Variants in KCNQ1 observed in about 807,000 individuals in gnomAD.
The protein encoded by KCNQ1 is potassium voltage-gated channel subfamily Q member 1, also known as potassium voltage-gated channel subfamily KQT member 1.
KCNQ1 carries 49 observed loss-of-function variants against 72.4 expected under a neutral mutation model. The ratio of observed to expected loss-of-function variants is 0.68; its 90% CI spans 0.54 to 0.86. The LOEUF (loss-of-function observed/expected upper bound fraction) is 0.86. KCNQ1 is among the 40% of genes least tolerant of loss of function. The probability of loss-of-function intolerance (pLI) is 0.00; values close to 1 mark genes in which losing one functional copy is unlikely to be tolerated. For synonymous variants in KCNQ1, 450 were observed against 412.6 expected (o/e 1.09, Z -1.10); for missense variants, 790 against 945.1 (o/e 0.84, Z 2.15).
chr11:2,585,039 C>T (rs1848572244), intron 7 of KCNQ1, among the ~76,000 whole-genome samples, 173 bp from the exon 8 acceptor site: 2 of 152,196 alleles, frequency 1.3e-5, no homozygotes, highest in Admixed American at 1.3e-4. Context: ...ATAAGTTCTG[C>T]CCCCCATGCT....
At position 2,485,996 on chromosome 11, in the gene KCNQ1, A is replaced by G. The variant is rs546541788; in HGVS notation, c.386+40512A>G. ...TTTAGCTATTGTGAATAATGCTACT[A>G]TGAATATGGGTGTACAAATATCTTT... is the stretch of plus-strand genomic sequence containing the variant. On this transcript the variant is annotated intron_variant, in intron 1 of 15. Coordinates refer to ENST00000155840, the MANE Select transcript of KCNQ1 (RefSeq NM_000218.3). Among the ~76,000 whole-genome samples the G allele has an allele frequency of 1.7e-3, 266 of 152,330 alleles. 1 individual carries two copies. Among genetic ancestry groups the G allele is most frequent in the Non-Finnish European group, 2.6e-3 (177 of 68,038 alleles).
chr11:2,524,196 C>T (rs1347051217), intron 1 of KCNQ1, among the ~76,000 whole-genome samples: 4 of 152,226 alleles, frequency 2.6e-5, no homozygotes, highest in South Asian at 2.1e-4. Flanking sequence ...GGCTCGGCGA[C>T]GGGAAAGCTG....
At chr11:2,778,641 G>GA (rs1234004212) in intron 15 of KCNQ1, among the ~76,000 whole-genome samples, 4 of 152,062 alleles carry the variant, frequency 2.6e-5, no homozygotes, top group Admixed American at 2.6e-4. Flanking sequence ...CTGGGCGGTG[G>GA]GAGGGCCTTT....
intron 11 of KCNQ1, chr11:2,699,816 A>G: frequency 1.3e-5 from 5 of 391,450 alleles, no homozygotes; most frequent in Non-Finnish European, 1.8e-5. Context: ...GAGAACCACG[A>G]TGACTGACGC....
rs1352128075 is a variant in KCNQ1, at chr11:2,697,027, G to GC, written c.1514+34952dup. 20 of 398,316 alleles carry GC rather than the reference G, an allele frequency of 5.0e-5. No homozygotes were observed. In the East Asian group the frequency reaches 5.7e-4, roughly 11 times the overall value. 24.7% of individuals were successfully genotyped at this position (398,316 alleles called of 1,614,324 possible). On this transcript the variant is annotated intron_variant, in intron 11 of 15. Transcript: ENST00000155840. ...AAGTGTAGTCTGGGGATTCCAGAGA[G>GC]CCCCCCAGACCCTTTCAGGAAAGGT...
Position 2,659,996 on chromosome 11 carries a change from T to C in KCNQ1, c.1394-1965T>C, listed in dbSNP as rs143115576. ...TCTTTCCAAGTCTGTGCTTTGTCTT[T>C]TCATTCCATTAGCAGTGTCTGTTGC... On this transcript the variant is annotated intron_variant, in intron 10 of 15. Transcript: ENST00000155840. This position sits in a 1 kb window ranked among gnomAD's most constrained non-coding sequence, Gnocchi z 4.3. 37 of 398,476 alleles carry C rather than the reference T, an allele frequency of 9.3e-5. No homozygotes were observed. The highest frequency in any genetic ancestry group is 6.8e-4 in the African/African-American group (33 of 48,758). The allele number at this position is 398,476 out of a possible 1,614,324, so 24.7% of individuals were successfully genotyped here. A position where few individuals can be genotyped will look rare whatever the true frequency, so the allele number is the denominator to read the frequency against.
chr11:2,760,616 C>T (rs1046378293), intron 11 of KCNQ1, among the ~76,000 whole-genome samples: 2 of 152,132 alleles, frequency 1.3e-5, no homozygotes, highest in Admixed American at 1.3e-4. Flanking sequence ...TGGCCCAGCC[C>T]AGGCAGGAGG....
rs980910483 is a variant in KCNQ1 at position 2,748,018 on chromosome 11, C to A, written c.1515-20826C>A. Among the ~76,000 whole-genome samples, 3 of 152,184 alleles carry A rather than the reference C, an allele frequency of 2.0e-5. No homozygotes were observed. Among genetic ancestry groups the A allele is most frequent in the Non-Finnish European group, 4.4e-5 (3 of 68,032 alleles). On this transcript the variant is annotated intron_variant, in intron 11 of 15. Coordinates refer to ENST00000155840, the MANE Select transcript of KCNQ1 (RefSeq NM_000218.3). This position sits in a 1 kb window ranked among gnomAD's most constrained non-coding sequence, Gnocchi z 6.2. ...AGCAGAATACTTCAAGAAGACCACT[C>A]GGGCCTAGGGCTCTGCAAGCAATAT... is the stretch of plus-strand genomic sequence containing the variant.
rs1850326014 is a variant in KCNQ1, at chr11:2,678,163, A to G, written c.1514+16082A>G. The G allele has an allele frequency of 2.5e-6, 1 of 398,230 alleles. No individual in the cohort carries two copies. Among genetic ancestry groups the G allele is most frequent in the Non-Finnish European group, 4.4e-6 (1 of 225,934 alleles). 24.7% of individuals were successfully genotyped at this position (398,230 alleles called of 1,614,324 possible). Reference sequence around the variant, plus strand: ...TTCCTTAGGTGTTTTGGCTTTTTCTATAATATTTTTCTGGTGGCAGAATTT... The same window carrying G: ...TTCCTTAGGTGTTTTGGCTTTTTCTGTAATATTTTTCTGGTGGCAGAATTT... On this transcript the variant is annotated intron_variant, in intron 11 of 15. Transcript: ENST00000155840. The surrounding 1 kb of genome is among the most constrained non-coding windows in gnomAD (Gnocchi z 4.9).
intron 11 of KCNQ1, among the ~76,000 whole-genome samples, chr11:2,751,864 GC>G (rs1003154902): frequency 1.6e-4 from 25 of 152,336 alleles, no homozygotes; most frequent in African/African-American, 6.0e-4. Context: ...AGAACATGAG[GC>G]CCGGCCAGCT....
At chr11:2,792,670 C>T (rs530719048) in intron 15 of KCNQ1, among the ~76,000 whole-genome samples, 1 of 152,206 alleles carries the variant, frequency 6.6e-6, no homozygotes, top group Admixed American at 6.5e-5. Flanking sequence ...GCCTGGACCA[C>T]CTTGGCAACA....
At chr11:2,740,424 G>A (rs1200356825) in intron 11 of KCNQ1, among the ~76,000 whole-genome samples, 1 of 152,222 alleles carries the variant, frequency 6.6e-6, no homozygotes, top group Non-Finnish European at 1.5e-5. Flanking sequence ...GGTGTTCAAA[G>A]ATATGGAATG....
intron 11 of KCNQ1, chr11:2,675,377 C>T (rs1850275888): frequency 5.0e-6 from 2 of 398,390 alleles, no homozygotes; most frequent in African/African-American, 4.1e-5. Flanking sequence ...CATTAGAAAA[C>T]ATTTAAACAC....
chr11:2,616,516 G>T (rs1849067293), intron 10 of KCNQ1: 2 of 397,642 alleles, frequency 5.0e-6, no homozygotes, highest in Non-Finnish European at 8.9e-6. Flanking sequence ...TTCAGTGTGG[G>T]CATTCACAGC....
At position 2,446,309 on chromosome 11, in the gene KCNQ1, C is replaced by G. The variant is rs1846036017; in HGVS notation, c.386+825C>G. On this transcript the variant is annotated intron_variant, in intron 1 of 15. Transcript: ENST00000155840. The surrounding 1 kb of genome is among the most constrained non-coding windows in gnomAD (Gnocchi z 8.8). ...CTGCCTGGGGCCTTCCCCCGCTGCC[C>G]CAGTGGCCCTACTTCCTGGCTGCCC... Among the ~76,000 whole-genome samples the G allele has an allele frequency of 6.6e-6, 1 of 152,202 alleles. No homozygotes were observed. The highest frequency in any genetic ancestry group is 6.5e-5 in the Admixed American group (1 of 15,290).
In KCNQ1 at chr11:2,558,623, G is replaced by A. The variant is rs139027611; in HGVS notation, c.478-12005G>A. Among the ~76,000 whole-genome samples, 206 of 152,358 alleles carry A rather than the reference G, an allele frequency of 1.4e-3. 1 individual carries two copies. Among genetic ancestry groups the A allele is most frequent in the African/African-American group, 4.5e-3 (186 of 41,594 alleles). Reference sequence around the variant, plus strand: ...ACCCAGGTGGGGGAGGAAGTGGGCCGCGCTTCGGGAACCCCCACCCCGCCG... The same window carrying A: ...ACCCAGGTGGGGGAGGAAGTGGGCCACGCTTCGGGAACCCCCACCCCGCCG... On this transcript the variant is annotated intron_variant, in intron 2 of 15. Transcript: ENST00000155840.
chr11:2,642,197 A>G lies in KCNQ1; in HGVS notation c.1394-19764A>G. 1 of 398,382 alleles carries G rather than the reference A, an allele frequency of 2.5e-6. No homozygotes were observed. The highest frequency in any genetic ancestry group is 4.4e-5 in the Admixed American group (1 of 22,714). 24.7% of individuals were successfully genotyped at this position (398,382 alleles called of 1,614,324 possible). On this transcript the variant is annotated intron_variant, in intron 10 of 15. Coordinates refer to ENST00000155840, the MANE Select transcript of KCNQ1 (RefSeq NM_000218.3). This position sits in a 1 kb window ranked among gnomAD's most constrained non-coding sequence, Gnocchi z 4.3. ...GAGAGAGACTGCATTGAATCTGTAGATTGCTTTGGGTAGTATGGTCATTTT... is the reference window on the plus strand; with the variant it reads ...GAGAGAGACTGCATTGAATCTGTAGGTTGCTTTGGGTAGTATGGTCATTTT...
At chr11:2,801,907 T>G (rs1847274251) in intron 15 of KCNQ1, among the ~76,000 whole-genome samples, 1 of 152,236 alleles carries the variant, frequency 6.6e-6, no homozygotes, top group Non-Finnish European at 1.5e-5. Flanking sequence ...CCCTTGCTCT[T>G]CTTGGCAGCA....
chr11:2,792,573 G>C (rs1415961491), intron 15 of KCNQ1, among the ~76,000 whole-genome samples: 2 of 152,180 alleles, frequency 1.3e-5, no homozygotes, highest in Non-Finnish European at 2.9e-5. Context: ...AGGTCTGTGC[G>C]GGTGAGGGAG....
Sources: gnomAD v4.1 joint callset for allele counts (sites outside exome capture counted in the v4.1 genomes callset) on GRCh38, gnomAD v4.1.1 for gene constraint, Gnocchi (gnomAD v3.1) non-coding constraint, MANE v1.5 for transcripts, NCBI Gene and HGNC (gene_info 2026-07-23, HGNC 2026-07-21) for gene names.